The following FRMD5 variants were observed in gnomAD, a reference collection of about 807,000 sequenced individuals.
The protein encoded by FRMD5 is FERM domain containing 5, also known as FERM domain-containing protein 5.
Under a neutral mutation model 69.0 loss-of-function variants are expected in FRMD5, and 20 were observed. That is an observed-to-expected ratio of 0.29 (90% confidence interval 0.20 to 0.42). FRMD5 has a LOEUF of 0.42. Among genes scored for constraint, FRMD5 ranks in the 10% least tolerant of loss-of-function variants. The pLI, the probability that FRMD5 is intolerant of heterozygous loss-of-function variation, is 1.00. For synonymous variants in FRMD5, 271 were observed against 260.1 expected (o/e 1.04, Z -0.40); for missense variants, 595 against 708.6 (o/e 0.84, Z 1.82).
At chr15:43,970,915 G>A (rs1404458671) in intron 1 of FRMD5, among the ~76,000 whole-genome samples, 3 of 152,130 alleles carry the variant, frequency 2.0e-5, no homozygotes, top group Non-Finnish European at 2.9e-5. Flanking sequence ...TGGTGAGTAA[G>A]CTGATGACAA....
At chr15:44,151,093 A>AAAAAC (rs1321795839) in intron 1 of FRMD5, among the ~76,000 whole-genome samples, 40 of 62,920 alleles carry the variant, frequency 6.4e-4, no homozygotes, top group African/African-American at 1.0e-3. Context: ...CTCTGTCTCA[A>AAAAAC]AAAACAAAAC....
At chr15:43,989,638 A>C (rs753502224) in intron 1 of FRMD5, 209 of 879,992 alleles carry the variant, frequency 2.4e-4, no homozygotes, top group Non-Finnish European at 3.8e-4. Context: ...TCAGGTCCTG[A>C]CCAGCCAGGC....
Position 44,044,073 on chromosome 15 carries a change from T to G in FRMD5, c.103-119764A>C, listed in dbSNP as rs374426847. Among the ~76,000 whole-genome samples, 10 of 151,634 alleles carry G rather than the reference T, an allele frequency of 6.6e-5. No individual in the cohort carries two copies. In the East Asian group the frequency reaches 1.4e-3, roughly 21 times the overall value. On this transcript the variant is annotated intron_variant, in intron 1 of 13. Coordinates refer to ENST00000417257, the MANE Select transcript of FRMD5 (RefSeq NM_032892.5). ...GAATCTACAAAGAACTTAAACAAAT[T>G]TACAATAAAAAAAAACCCCATCAAA...
intron 1 of FRMD5, among the ~76,000 whole-genome samples, chr15:43,977,175 A>G (rs982996280): frequency 6.6e-6 from 1 of 151,878 alleles, no homozygotes; most frequent in African/African-American, 2.4e-5. Flanking sequence ...GGGAAGTGCT[A>G]GCAGGTTGGA....
At chr15:43,953,652 T>C (rs2090071556) in intron 1 of FRMD5, among the ~76,000 whole-genome samples, 1 of 152,178 alleles carries the variant, frequency 6.6e-6, no homozygotes, top group African/African-American at 2.4e-5. Context: ...ACCACTTCCC[T>C]CACAACAATA....
At chr15:43,986,213 T>C (rs1252080556) in intron 1 of FRMD5, among the ~76,000 whole-genome samples, 2 of 152,210 alleles carry the variant, frequency 1.3e-5, no homozygotes, top group Non-Finnish European at 2.9e-5. Flanking sequence ...GCATCTGTTA[T>C]TCAGTTAATG....
chr15:43,974,729 C>T (rs1409494833), intron 1 of FRMD5, among the ~76,000 whole-genome samples: 1 of 152,190 alleles, frequency 6.6e-6, no homozygotes, highest in Non-Finnish European at 1.5e-5. Flanking sequence ...CTGAAAGATA[C>T]AACCAGATTC....
intron 1 of FRMD5, among the ~76,000 whole-genome samples, chr15:44,087,775 TCA>T (rs1331848039): frequency 3.3e-5 from 5 of 150,858 alleles, no homozygotes; most frequent in Non-Finnish European, 5.9e-5. Context: ...ATCATCATCA[TCA>T]TCATCATCAT....
Position 43,873,181 on chromosome 15 carries a change from ATGCTGCTGT to A in FRMD5, c.*695_*703del. 5 of 1,550,532 alleles carry A rather than the reference ATGCTGCTGT, an allele frequency of 3.2e-6. No individual in the cohort carries two copies. Among genetic ancestry groups the A allele is most frequent in the Non-Finnish European group, 4.4e-6 (5 of 1,146,936 alleles). On this transcript the variant is annotated 3_prime_UTR_variant, in exon 14 of 14. Transcript: ENST00000417257. ...AGGGGACAGACTTACCCCACCCCTG[ATGCTGCTGT>A]TGCTGTAGCGGTGGTCCCTTCAGAT... is the stretch of plus-strand genomic sequence containing the variant.
At chr15:44,026,457 C>A (rs966377181) in intron 1 of FRMD5, among the ~76,000 whole-genome samples, 4 of 151,992 alleles carry the variant, frequency 2.6e-5, no homozygotes, top group African/African-American at 9.7e-5. Flanking sequence ...GTTTTTTTCC[C>A]TTTCCACATT....
chr15:43,932,310 T>C (rs1457128862), intron 1 of FRMD5, among the ~76,000 whole-genome samples: 2 of 152,226 alleles, frequency 1.3e-5, no homozygotes, highest in African/African-American at 4.8e-5. Context: ...CCCCAAGATC[T>C]GGGAGTGGCT....
At chr15:43,969,790 C>T (rs1007842795) in intron 1 of FRMD5, among the ~76,000 whole-genome samples, 1 of 152,136 alleles carries the variant, frequency 6.6e-6, no homozygotes, top group Non-Finnish European at 1.5e-5. Flanking sequence ...TGGATAGTTT[C>T]CTTGTTAAGA....
rs114131762 is a variant in FRMD5, at chr15:43,874,875, C to T, written c.1136-413G>A. Reference sequence around the variant, plus strand: ...AGATCGCACTATTACACTCCATCCTCGGCAACAGAGTGAGTAAGATTCCAT... The same window carrying T: ...AGATCGCACTATTACACTCCATCCTTGGCAACAGAGTGAGTAAGATTCCAT... On this transcript the variant is annotated intron_variant, in intron 13 of 13. Coordinates refer to ENST00000417257, the MANE Select transcript of FRMD5 (RefSeq NM_032892.5). Among the ~76,000 whole-genome samples, 1,073 of 151,896 alleles carry T rather than the reference C, an allele frequency of 7.1e-3. 13 individuals are homozygous for T. Among genetic ancestry groups the T allele is most frequent in the African/African-American group, 0.024 (991 of 41,390 alleles).
chr15:43,877,622 C>G (rs867088412), intron 13 of FRMD5, among the ~76,000 whole-genome samples: 2 of 152,234 alleles, frequency 1.3e-5, no homozygotes, highest in African/African-American at 4.8e-5. Flanking sequence ...GTTACGCTCC[C>G]CATTGCGTCA....
rs571655392 is a variant in FRMD5, at chr15:43,982,593, C to T, written c.103-58284G>A. 2.6e-5 allele frequency among the ~76,000 whole-genome samples: 4 copies of T among 152,262 alleles called. No individual in the cohort carries two copies. The East Asian group carries it at 7.7e-4, about 29-fold the overall frequency. On this transcript the variant is annotated intron_variant, in intron 1 of 13. Transcript: ENST00000417257. Reference sequence around the variant, plus strand: ...CCTTACTAAGAAGTGTCCTTTGTGGCATTTTTCCCCCAGAATAGGGCACTT... The same window carrying T: ...CCTTACTAAGAAGTGTCCTTTGTGGTATTTTTCCCCCAGAATAGGGCACTT...
intron 1 of FRMD5, among the ~76,000 whole-genome samples, chr15:44,157,439 C>T (rs1198842971): frequency 6.6e-6 from 1 of 152,132 alleles, no homozygotes; most frequent in Non-Finnish European, 1.5e-5. Context: ...TAATAGATGT[C>T]TAAATTATTA....
At chr15:44,073,784 T>C (rs531039948) in intron 1 of FRMD5, among the ~76,000 whole-genome samples, 12 of 152,312 alleles carry the variant, frequency 7.9e-5, no homozygotes, top group African/African-American at 2.9e-4. Flanking sequence ...ACAAGTCCTC[T>C]ATGACACCTA....
chr15:43,983,599 A>C (rs538341418), intron 1 of FRMD5, among the ~76,000 whole-genome samples: 1 of 152,352 alleles, frequency 6.6e-6, no homozygotes, highest in African/African-American at 2.4e-5. Context: ...TTTTATGCAC[A>C]ATATGATACA....
At chr15:44,025,223 TATC>T (rs1280064261) in intron 1 of FRMD5, among the ~76,000 whole-genome samples, 2 of 151,960 alleles carry the variant, frequency 1.3e-5, no homozygotes, top group Non-Finnish European at 2.9e-5. Flanking sequence ...TAGAACAAAA[TATC>T]ATTAAAACTC....
Sources: allele counts gnomAD v4.1 joint callset (sites outside exome capture counted in the v4.1 genomes callset), GRCh38; gene constraint gnomAD v4.1.1; transcripts MANE v1.5; gene names NCBI Gene and HGNC (gene_info 2026-07-23, HGNC 2026-07-21).